Variants in TIMM17A observed in about 807,000 individuals in gnomAD.
TIMM17A encodes mitochondrial import inner membrane translocase subunit Tim17-A.
TIMM17A carries 15 observed loss-of-function variants against 26.5 expected under a neutral mutation model. The observed-to-expected ratio is 0.57, with a 90% CI of 0.38 to 0.87. The LOEUF is 0.87. Among genes scored for constraint, TIMM17A ranks in the 40% least tolerant of loss-of-function variants. The pLI, the probability that TIMM17A is intolerant of heterozygous loss-of-function variation, is 0.00. For missense variants in TIMM17A, 201 were observed against 210.0 expected (o/e 0.96, Z 0.27); for synonymous variants, 80 against 70.8 (o/e 1.13, Z -0.66).
chr1:201,965,348 C>T (rs1682609420), intron 4 of TIMM17A, 85 bp from the exon 5 acceptor site: 4 of 954,556 alleles, frequency 4.2e-6, no homozygotes, highest in Non-Finnish European at 6.7e-6. Context: ...AGCATGTCAC[C>T]ATATGGACAG....
Position 201,965,524 on chromosome 1 carries a change from C to G in TIMM17A, c.411C>G (p.Ala137=). 1 of 1,612,690 alleles carries G rather than the reference C, an allele frequency of 6.2e-7. No homozygotes were observed. The highest frequency in any genetic ancestry group is 2.2e-5 in the East Asian group (1 of 44,874). Reference sequence around the variant, plus strand: ...CTGGTATCTTGTTGACAAGATTTGCCTCTGCACAGTTTCCCAATGGTGAGT... The same window carrying G: ...CTGGTATCTTGTTGACAAGATTTGCGTCTGCACAGTTTCCCAATGGTGAGT... ...EGAGILLTRF[A]SAQFPNGPQF... The change falls in exon 5 of 6, where the codon GCC becomes GCG. Residue 137 remains alanine (A), a synonymous_variant. Coordinates refer to ENST00000367287, the MANE Select transcript of TIMM17A (RefSeq NM_006335.3).
chr1:201,955,743 G>C (rs1185618855), intron 1 of TIMM17A, among the ~76,000 whole-genome samples, 191 bp downstream of exon 1: 1 of 152,214 alleles, frequency 6.6e-6, no homozygotes, highest in African/African-American at 2.4e-5. Flanking sequence ...CCCCGGCCGC[G>C]TGAGCCTCCC....
At chr1:201,964,537 G>T (rs1682587861) in intron 4 of TIMM17A, among the ~76,000 whole-genome samples, 1 of 151,448 alleles carries the variant, frequency 6.6e-6, no homozygotes, top group Non-Finnish European at 1.5e-5. Flanking sequence ...ACCTAAATCT[G>T]CTGTCATAGC....
chr1:201,957,640 A>AT, intron 3 of TIMM17A, 66 bp downstream of exon 3: 1 of 1,332,452 alleles, frequency 7.5e-7, no homozygotes, highest in Non-Finnish European at 1.1e-6. Context: ...AGCTATTTTT[A>AT]TTTTTAGATT....
chr1:201,960,215 A>G (rs867447309), intron 3 of TIMM17A, among the ~76,000 whole-genome samples: 1 of 152,190 alleles, frequency 6.6e-6, no homozygotes, highest in Middle Eastern at 3.4e-3. Context: ...CCTGGCCAAC[A>G]TGGTGAAACC....
intron 4 of TIMM17A, among the ~76,000 whole-genome samples, chr1:201,964,852 G>A (rs958964836): frequency 1.3e-5 from 2 of 151,246 alleles, no homozygotes; most frequent in Admixed American, 6.6e-5. Flanking sequence ...GTTTTACCAT[G>A]TTAGCCAGGA....
Position 201,970,401 on chromosome 1 carries a change from A to G in TIMM17A, c.*847A>G, listed in dbSNP as rs1373638506. The G allele has an allele frequency of 1.3e-5, 2 of 152,212 alleles. No individual in the cohort carries two copies. The highest frequency in any genetic ancestry group is 3.8e-4 in the East Asian group (2 of 5,202). 9.4% of individuals were successfully genotyped at this position (152,212 alleles called of 1,614,324 possible). Reference sequence around the variant, plus strand: ...TATTTTGGGGTCTGGTTGGGCCTGGAAAATGGATGAGCACTTCAGAACAGG... The same window carrying G: ...TATTTTGGGGTCTGGTTGGGCCTGGGAAATGGATGAGCACTTCAGAACAGG... On this transcript the variant is annotated 3_prime_UTR_variant, in exon 6 of 6. Coordinates refer to ENST00000367287, the MANE Select transcript of TIMM17A (RefSeq NM_006335.3).
chr1:201,966,670 C>G (rs1682631420), intron 5 of TIMM17A, among the ~76,000 whole-genome samples: 1 of 151,656 alleles, frequency 6.6e-6, no homozygotes, highest in Non-Finnish European at 1.5e-5. Flanking sequence ...GTGGTGAAAC[C>G]CCGTCTCTAC....
chr1:201,961,128 C>T lies in TIMM17A; in HGVS notation c.191-2488C>T, dbSNP rs142282693. Among the ~76,000 whole-genome samples, 1,150 of 149,358 alleles carry T rather than the reference C, an allele frequency of 7.7e-3. 20 individuals are homozygous for T. Among genetic ancestry groups the T allele is most frequent in the African/African-American group, 0.027 (1,098 of 40,430 alleles). On this transcript the variant is annotated intron_variant, in intron 3 of 5. Coordinates refer to ENST00000367287, the MANE Select transcript of TIMM17A (RefSeq NM_006335.3). ...TTGCCCAGGCTAGAGTGCAATGGCG[C>T]GGTCTCGGCTCACGTCAACTTCCAT...
intron 1 of TIMM17A, among the ~76,000 whole-genome samples, chr1:201,956,888 G>A (rs958796394): frequency 2.0e-5 from 3 of 151,632 alleles, no homozygotes; most frequent in Non-Finnish European, 2.9e-5. Context: ...CCCAGGAGAC[G>A]GAGGTTGCAG....
At chr1:201,968,935 C>T (rs1249197269) in intron 5 of TIMM17A, among the ~76,000 whole-genome samples, 2 of 150,662 alleles carry the variant, frequency 1.3e-5, no homozygotes, top group African/African-American at 4.9e-5. Flanking sequence ...GCTCTCCTAT[C>T]CTTTGAAAAT....
chr1:201,969,448 C>CT (rs1682693475), intron 5 of TIMM17A, 21 bp from the exon 6 acceptor site: 1 of 1,588,558 alleles, frequency 6.3e-7, no homozygotes, highest in Non-Finnish European at 8.6e-7. Flanking sequence ...TTTTTAAATC[C>CT]TTTTTATTTC....
chr1:201,961,439 T>C (rs1372944137), intron 3 of TIMM17A, among the ~76,000 whole-genome samples: 1 of 152,208 alleles, frequency 6.6e-6, no homozygotes, highest in East Asian at 1.9e-4. Context: ...ACCACTTTCT[T>C]GCATTTTGGA....
intron 1 of TIMM17A, among the ~76,000 whole-genome samples, chr1:201,956,754 A>G (rs1322369262): frequency 6.6e-6 from 1 of 152,036 alleles, no homozygotes; most frequent in East Asian, 1.9e-4. Flanking sequence ...TCAGGAGTTC[A>G]AGACCAGCCT....
rs528843403 is a variant in TIMM17A, at chr1:201,958,954, A to G, written c.190+1380A>G. The stretch of plus-strand genomic sequence containing the variant: ...TTTGTTCCCTGTGTAAGAATTATCT[A>G]CCCTGGAAAGTAATTAGTAACTAAT... On this transcript the variant is annotated intron_variant, in intron 3 of 5. Transcript: ENST00000367287. Among the ~76,000 whole-genome samples the G allele has an allele frequency of 2.6e-5, 4 of 152,224 alleles. No homozygotes were observed. In the South Asian group the frequency reaches 8.3e-4, roughly 32 times the overall value.
chr1:201,964,900 G>A (rs1282277726), intron 4 of TIMM17A, among the ~76,000 whole-genome samples: 1 of 149,732 alleles, frequency 6.7e-6, no homozygotes, highest in Non-Finnish European at 1.5e-5. Flanking sequence ...CACCCACCTC[G>A]GCCTCCCAAA....
At chr1:201,968,933 A>G (rs78539422) in intron 5 of TIMM17A, among the ~76,000 whole-genome samples, 9,811 of 148,230 alleles carry the variant, frequency 0.066, 445 homozygotes, top group Admixed American at 0.13. Flanking sequence ...AGGCTCTCCT[A>G]TCCTTTGAAA....
At chr1:201,956,816 C>T (rs746472643) in intron 1 of TIMM17A, among the ~76,000 whole-genome samples, 1 of 151,850 alleles carries the variant, frequency 6.6e-6, no homozygotes, top group Admixed American at 6.6e-5. Context: ...ATTAGCCGGG[C>T]GTGGTGGCAC....
chr1:201,960,366 C>T (rs1682503137), intron 3 of TIMM17A, among the ~76,000 whole-genome samples: 1 of 151,680 alleles, frequency 6.6e-6, no homozygotes, highest in Non-Finnish European at 1.5e-5. Flanking sequence ...TGCCATTGCA[C>T]TCTAGCCTGG....
Sources: allele counts gnomAD v4.1 joint callset (sites outside exome capture counted in the v4.1 genomes callset), GRCh38; gene constraint gnomAD v4.1.1; transcripts MANE v1.5; gene names NCBI Gene and HGNC (gene_info 2026-07-23, HGNC 2026-07-21).